The following DNAH5 variants were observed in gnomAD, a reference collection of about 807,000 sequenced individuals.
DNAH5 encodes axonemal beta dynein heavy chain 5.
In DNAH5, 372 loss-of-function variants were observed where a neutral mutation model predicts 518.2. The observed-to-expected ratio is 0.72, with a 90% CI of 0.66 to 0.78. The LOEUF (loss-of-function observed/expected upper bound fraction) is 0.78, where lower values mean the gene tolerates loss of function less well. Ranked by LOEUF, DNAH5 falls within the 30% of genes least tolerant of loss-of-function variation. The pLI is 0.00. For missense variants in DNAH5, 5,523 were observed against 5,687.0 expected, an observed-to-expected ratio of 0.97 and a Z score of 0.93; for synonymous variants, 2,039 against 2,025.9, an observed-to-expected ratio of 1.01 and a Z score of -0.17.
chr5:13,720,539 C>T (rs1254670826), intron 71 of DNAH5, among the ~76,000 whole-genome samples: 2 of 152,054 alleles, frequency 1.3e-5, no homozygotes, highest in South Asian at 2.1e-4. Context: ...CAGGCCACCA[C>T]GTCCAGTTAA....
rs1554103992 is a variant in DNAH5 at position 13,921,475 on chromosome 5, T to TCTCACA, written c.660+631_660+632insTGTGAG. Among the ~76,000 whole-genome samples the TCTCACA allele has an allele frequency of 4.4e-3, 321 of 73,722 alleles. 1 individual carries two copies. The highest frequency in any genetic ancestry group is 0.031 in the South Asian group (75 of 2,436). 48.4% of individuals were successfully genotyped at this position (73,722 alleles called of 152,430 possible). A position where few individuals can be genotyped will look rare whatever the true frequency, so the allele number is the denominator to read the frequency against. ...CTCTCTCTCTTGCTCTATCTCTCTC[T>TCTCACA]CACACACACACACACACACACACAC... On this transcript the variant is annotated intron_variant, in intron 5 of 78. Coordinates refer to ENST00000265104, the MANE Select transcript of DNAH5 (RefSeq NM_001369.3).
intron 55 of DNAH5, among the ~76,000 whole-genome samples, chr5:13,772,770 G>T (rs976245906): frequency 1.6e-5 from 1 of 61,126 alleles, no homozygotes; most frequent in African/African-American, 7.7e-5. Flanking sequence ...ACATAATAAT[G>T]TAATATTTTA....
intron 1 of DNAH5, among the ~76,000 whole-genome samples, chr5:13,941,132 T>C (rs1580988835): frequency 6.6e-6 from 1 of 152,150 alleles, no homozygotes; most frequent in Non-Finnish European, 1.5e-5. Context: ...GCGGGAGGAT[T>C]GCTTGAGGCC....
intron 31 of DNAH5, among the ~76,000 whole-genome samples, chr5:13,847,875 G>A (rs895314): frequency 0.2 from 29,974 of 151,960 alleles, 3,511 homozygotes; most frequent in East Asian, 0.47. Flanking sequence ...ACAGTTCCTC[G>A]GCAAGTGTTT....
At chr5:13,744,679 C>T (rs1749090360) in intron 65 of DNAH5, among the ~76,000 whole-genome samples, 1 of 151,954 alleles carries the variant, frequency 6.6e-6, no homozygotes, top group African/African-American at 2.4e-5. Flanking sequence ...ATTTCGTGAA[C>T]ATAGCATTTG....
intron 24 of DNAH5, among the ~76,000 whole-genome samples, chr5:13,869,332 T>TC (rs397713059): frequency 1.3e-5 from 2 of 151,590 alleles, no homozygotes; most frequent in South Asian, 2.1e-4. Context: ...GAGTTTTTTT[T>TC]AATGCTACAA....
At chr5:13,844,456 A>G (rs1323207543) in intron 32 of DNAH5, among the ~76,000 whole-genome samples, 1 of 152,220 alleles carries the variant, frequency 6.6e-6, no homozygotes, top group African/African-American at 2.4e-5. Flanking sequence ...AAGTTTGAAT[A>G]AAGTATGCCA....
chr5:13,922,262 A>G lies in DNAH5; in HGVS notation c.505T>C (p.Ser169Pro). ...GLLNSVRRLL[S>P]DIFIPALRAT... Reference sequence around the variant, plus strand: ...CTGAGAGCAGGAATGAAGATGTCCGACAGCAAACGTCTCACACTGTTGAGC... The same window carrying G: ...CTGAGAGCAGGAATGAAGATGTCCGGCAGCAAACGTCTCACACTGTTGAGC... The change falls in exon 5 of 79, where the codon TCG becomes CCG. Residue 169 changes from serine to proline, a missense_variant. Coordinates refer to ENST00000265104, the MANE Select transcript of DNAH5 (RefSeq NM_001369.3). 1 of 1,613,834 alleles carries G rather than the reference A, an allele frequency of 6.2e-7. No individual in the cohort carries two copies. The highest frequency in any genetic ancestry group is 8.5e-7 in the Non-Finnish European group (1 of 1,179,900).
intron 78 of DNAH5, among the ~76,000 whole-genome samples, chr5:13,694,187 C>A (rs1003416663): frequency 3.0e-4 from 45 of 152,046 alleles, no homozygotes; most frequent in Admixed American, 9.2e-4. Flanking sequence ...ATTTTAATCC[C>A]AACAGAAAAA....
chr5:13,864,652 C>T lies in DNAH5; in HGVS notation c.4356-15G>A, dbSNP rs773986737. 26 of 1,613,998 alleles carry T rather than the reference C, an allele frequency of 1.6e-5. No individual in the cohort carries two copies. Among genetic ancestry groups the T allele is most frequent in the Non-Finnish European group, 1.9e-5 (22 of 1,179,936 alleles). ...GCTTTCGACATCTGTGAAGGGACAC[C>T]AACATGAAAGGCCATTGAAATATGA... On this transcript the variant is annotated splice_polypyrimidine_tract_variant and intron_variant, in intron 27 of 78. Coordinates refer to ENST00000265104, the MANE Select transcript of DNAH5 (RefSeq NM_001369.3).
intron 35 of DNAH5, among the ~76,000 whole-genome samples, chr5:13,833,125 G>A (rs1466737687): frequency 2.3e-5 from 1 of 42,974 alleles, no homozygotes; most frequent in African/African-American, 1.2e-4. Context: ...TAAAGAATGT[G>A]TTATCCAAAA....
At chr5:13,893,198 T>G (rs1487169597) in intron 16 of DNAH5, among the ~76,000 whole-genome samples, 1 of 152,256 alleles carries the variant, frequency 6.6e-6, no homozygotes. Context: ...CTAGGTACTA[T>G]GTTAACAGCC....
rs200963174 is a variant in DNAH5, at chr5:13,865,830, T to C, written c.4193A>G (p.Gln1398Arg). Residue 1398 changes from glutamine (Q) to arginine (R), a missense_variant, in exon 27 of 79, where the codon CAG becomes CGG. Transcript: ENST00000265104. ...CTTTATTTCAAGAAGCTGAGGATAC[T>C]GTGTAGCTGGCAGGCCAAAAAGCTC... ...GEELFGLPAT[Q>R]YPQLLEIKKQ... 6.2e-7 allele frequency: 1 copy of C among 1,613,890 alleles called. No individual in the cohort carries two copies. Among genetic ancestry groups the C allele is most frequent in the East Asian group, 2.2e-5 (1 of 44,864 alleles).
At chr5:13,750,647 G>C (rs1311076045) in intron 65 of DNAH5, among the ~76,000 whole-genome samples, 3 of 152,134 alleles carry the variant, frequency 2.0e-5, no homozygotes, top group African/African-American at 7.2e-5. Context: ...TGAGTACAAA[G>C]TTCTAATTTT....
intron 53 of DNAH5, among the ~76,000 whole-genome samples, chr5:13,778,957 G>T (rs1012168208): frequency 2.0e-5 from 3 of 152,154 alleles, no homozygotes; most frequent in Non-Finnish European, 4.4e-5. Context: ...GTGGCACTGT[G>T]GTGCAGTAAA....
intron 3 of DNAH5, among the ~76,000 whole-genome samples, chr5:13,924,336 C>T (rs1255126616): frequency 1.3e-5 from 2 of 152,170 alleles, no homozygotes; most frequent in African/African-American, 2.4e-5. Context: ...TGGCAAGTTA[C>T]TTTATCTTTC....
Position 13,814,742 on chromosome 5 carries a change from C to T in DNAH5, c.7093G>A (p.Asp2365Asn). The T allele has an allele frequency of 6.2e-7, 1 of 1,614,066 alleles. No homozygotes were observed. Among genetic ancestry groups the T allele is most frequent in the Non-Finnish European group, 8.5e-7 (1 of 1,180,002 alleles). Residue 2365 changes from aspartate to asparagine, a missense_variant, in exon 43 of 79, where the codon GAT becomes AAT. Coordinates refer to ENST00000265104, the MANE Select transcript of DNAH5 (RefSeq NM_001369.3). Reference sequence around the variant, plus strand: ...CAGTTTGGAGCCATGGGAATCCGATCACCATTGGCAAGGGTTAGAGTTTTG... The same window carrying T: ...CAGTTTGGAGCCATGGGAATCCGATTACCATTGGCAAGGGTTAGAGTTTTG... ...DNKTLTLANG[D>N]RIPMAPNCKI...
chr5:13,999,586 A>G (rs183753854), intron 1 of DNAH5, among the ~76,000 whole-genome samples: 2 of 152,314 alleles, frequency 1.3e-5, no homozygotes, highest in Admixed American at 6.5e-5. Context: ...TTATCCATTC[A>G]TCTGTTGATG....
At chr5:13,733,123 T>C (rs1425061759) in intron 68 of DNAH5, among the ~76,000 whole-genome samples, 1 of 152,202 alleles carries the variant, frequency 6.6e-6, no homozygotes, top group Non-Finnish European at 1.5e-5. Flanking sequence ...AGGATTTACA[T>C]AAACTGTGTA....
Sources: allele counts gnomAD v4.1 joint callset (sites outside exome capture counted in the v4.1 genomes callset), GRCh38; gene constraint gnomAD v4.1.1; transcripts MANE v1.5; gene names NCBI Gene and HGNC (gene_info 2026-07-23, HGNC 2026-07-21).